The following DPP10 variants were observed in gnomAD, a reference collection of about 807,000 sequenced individuals.
DPP10 encodes dipeptidyl peptidase like 10.
A neutral mutation model predicts 120.9 loss-of-function variants in DPP10; 33 were observed. The ratio of observed to expected loss-of-function variants is 0.27; its 90% confidence interval spans 0.21 to 0.37. The LOEUF (loss-of-function observed/expected upper bound fraction) is 0.37, where lower values mean the gene tolerates loss of function less well. Ranked by LOEUF, DPP10 falls within the 10% of genes least tolerant of loss-of-function variation. The pLI is 1.00. For missense variants in DPP10, 816 were observed against 942.8 expected (o/e 0.87, Z 1.76); for synonymous variants, 337 against 326.1 (o/e 1.03, Z -0.36).
chr2:115,768,307 C>A lies in DPP10; in HGVS notation c.1124C>A (p.Pro375His). The change falls in exon 13 of 26, where the codon CCC becomes CAC. Residue 375 changes from proline (P) to histidine (H), a missense_variant. This residue lies in a region of DPP10 where 592 missense variants were observed against 649.0 expected (regional missense o/e 0.91). Transcript: ENST00000410059. ...TCTTCTGTATTTTAGAATGAGGAGCCCGTGTTTTCTAGAGACGGCAGCAAA... is the reference window on the plus strand; with the variant it reads ...TCTTCTGTATTTTAGAATGAGGAGCACGTGTTTTCTAGAGACGGCAGCAAA... ...DTWLSQQNEE[P>H]VFSRDGSKFF... 6.2e-7 allele frequency: 1 copy of A among 1,613,400 alleles called. No homozygotes were observed. The highest frequency in any genetic ancestry group is 2.2e-5 in the East Asian group (1 of 44,852).
rs548895169 is a variant in DPP10 at position 115,084,951 on chromosome 2, G to A, written c.61-224288G>A. Among the ~76,000 whole-genome samples, 15 of 152,274 alleles carry A rather than the reference G, an allele frequency of 9.9e-5. No individual in the cohort carries two copies. The East Asian group carries it at 2.9e-3, about 29-fold the overall frequency. On this transcript the variant is annotated intron_variant, in intron 1 of 25. Transcript: ENST00000410059. The stretch of plus-strand genomic sequence containing the variant: ...CTTCTTGGTTACAGAGTTGCAAGTT[G>A]GCTTGTTCAGAAAGAGCTGTTTTTG...
In DPP10 at chr2:114,685,254, G is replaced by A. The variant is rs187764522; in HGVS notation, c.60+242416G>A. Among the ~76,000 whole-genome samples, 481 of 151,768 alleles carry A rather than the reference G, an allele frequency of 3.2e-3. 3 individuals carry two copies. Among genetic ancestry groups the A allele is most frequent in the Non-Finnish European group, 5.9e-3 (402 of 67,868 alleles). On this transcript the variant is annotated intron_variant, in intron 1 of 25. Transcript: ENST00000410059. ...CTTGTGTGTTAATTTCCTCACTCCCGTAACTCATGAGAAAAACAACAACAA... is the reference window on the plus strand; with the variant it reads ...CTTGTGTGTTAATTTCCTCACTCCCATAACTCATGAGAAAAACAACAACAA...
intron 1 of DPP10, among the ~76,000 whole-genome samples, chr2:115,125,552 C>T (rs559299043): frequency 2.8e-5 from 4 of 143,384 alleles, no homozygotes; most frequent in Admixed American, 2.8e-4. Context: ...CACCTAAGTT[C>T]AATAGATCAT....
At chr2:115,105,340 G>A (rs148435315) in intron 1 of DPP10, among the ~76,000 whole-genome samples, 4 of 152,156 alleles carry the variant, frequency 2.6e-5, no homozygotes, top group Non-Finnish European at 5.9e-5. Context: ...AAGAAGCATG[G>A]TGCTAGCATC....
intron 1 of DPP10, among the ~76,000 whole-genome samples, chr2:114,482,315 A>T (rs759994899): frequency 8.5e-5 from 13 of 152,306 alleles, no homozygotes; most frequent in Middle Eastern, 3.4e-3. Context: ...CTTTTATTAT[A>T]TGGAATTGAT....
At chr2:115,370,703 G>A (rs183239581) in intron 3 of DPP10, among the ~76,000 whole-genome samples, 158 of 152,172 alleles carry the variant, frequency 1.0e-3, no homozygotes, top group African/African-American at 3.6e-3. Context: ...GGAACATTAT[G>A]TACAGAAAAT....
rs888596811 is a variant in DPP10, at chr2:115,687,272, C to T, written c.442-2415C>T. The stretch of plus-strand genomic sequence containing the variant: ...TCTTCCAACCTTGTTCAAGATTTTG[C>T]CCTCCCCCATATTCTTTATTCTGTT... On this transcript the variant is annotated intron_variant, in intron 5 of 25. Coordinates refer to ENST00000410059, the MANE Select transcript of DPP10 (RefSeq NM_020868.6). Among the ~76,000 whole-genome samples the T allele has an allele frequency of 2.6e-5, 4 of 152,050 alleles. No homozygotes were observed. The East Asian group carries it at 5.8e-4, about 22-fold the overall frequency.
chr2:115,033,893 C>CTTTTTTTTTTTTTTTTTTTTTT (rs965717193), intron 1 of DPP10, among the ~76,000 whole-genome samples: 33 of 89,852 alleles, frequency 3.7e-4, no homozygotes, highest in Non-Finnish European at 5.0e-4. Context: ...TTTTCTTTTT[C>CTTTTTTTTTTTTTTTTTTTTTT]TTTTTTTTTT....
chr2:115,567,470 T>G (rs2081072209), intron 5 of DPP10, among the ~76,000 whole-genome samples: 1 of 152,146 alleles, frequency 6.6e-6, no homozygotes. Context: ...CTTTTGCACT[T>G]TGCATTTTTC....
At chr2:114,691,023 T>C (rs1425453576) in intron 1 of DPP10, among the ~76,000 whole-genome samples, 1 of 152,054 alleles carries the variant, frequency 6.6e-6, no homozygotes, top group Non-Finnish European at 1.5e-5. Flanking sequence ...ATAAAGATAA[T>C]CTGACTTCCT....
rs17048426 is a variant in DPP10 at position 114,487,303 on chromosome 2, G to A, written c.60+44465G>A. ...ATAATAAGTTTGGAAGAAAAAGGAA[G>A]TATCAGGGCCCACAAATAGACATTT... On this transcript the variant is annotated intron_variant, in intron 1 of 25. Transcript: ENST00000410059. Among the ~76,000 whole-genome samples, 897 of 152,266 alleles carry A rather than the reference G, an allele frequency of 5.9e-3. 6 individuals are homozygous for A. Among genetic ancestry groups the A allele is most frequent in the African/African-American group, 0.021 (854 of 41,552 alleles).
At position 115,009,882 on chromosome 2, in the gene DPP10, T is replaced by A. The variant is rs891176972; in HGVS notation, c.61-299357T>A. Among the ~76,000 whole-genome samples, 6 of 152,298 alleles carry A rather than the reference T, an allele frequency of 3.9e-5. 1 individual carries two copies. The highest frequency in any genetic ancestry group is 1.3e-4 in the Admixed American group (2 of 15,288). ...CATTCACTACTCATTAATACAAATT[T>A]TTTTAAAGAAAATAAAATAGATATT... is the stretch of plus-strand genomic sequence containing the variant. On this transcript the variant is annotated intron_variant, in intron 1 of 25. Coordinates refer to ENST00000410059, the MANE Select transcript of DPP10 (RefSeq NM_020868.6).
intron 1 of DPP10, among the ~76,000 whole-genome samples, chr2:115,149,374 A>G (rs2051407097): frequency 6.6e-6 from 1 of 152,216 alleles, no homozygotes; most frequent in South Asian, 2.1e-4. Context: ...CCAGGGGCAT[A>G]ACTCCAAAAA....
At chr2:114,639,609 G>T (rs572937226) in intron 1 of DPP10, among the ~76,000 whole-genome samples, 1 of 151,760 alleles carries the variant, frequency 6.6e-6, no homozygotes, top group South Asian at 2.1e-4. Context: ...TGCAATATAC[G>T]CATTTAACAA....
At chr2:114,630,188 T>A (rs1338049764) in intron 1 of DPP10, among the ~76,000 whole-genome samples, 1 of 152,196 alleles carries the variant, frequency 6.6e-6, no homozygotes. Context: ...AAGAACACAT[T>A]ATTAAATTTC....
At chr2:115,501,841 G>C (rs901942722) in intron 4 of DPP10, among the ~76,000 whole-genome samples, 22 of 151,948 alleles carry the variant, frequency 1.4e-4, no homozygotes, top group African/African-American at 5.1e-4. Flanking sequence ...GGCTAAAACC[G>C]GGATTTAATT....
intron 1 of DPP10, among the ~76,000 whole-genome samples, chr2:115,154,741 T>C (rs984243724): frequency 3.3e-5 from 5 of 151,734 alleles, no homozygotes; most frequent in Non-Finnish European, 7.4e-5. Context: ...CACCACCCCC[T>C]GAGCACACAC....
At chr2:114,808,511 T>TG (rs1684922601) in intron 1 of DPP10, among the ~76,000 whole-genome samples, 1 of 151,924 alleles carries the variant, frequency 6.6e-6, no homozygotes, top group African/African-American at 2.4e-5. Flanking sequence ...GGAACACTCT[T>TG]GCCAACACAA....
intron 3 of DPP10, among the ~76,000 whole-genome samples, chr2:115,416,693 CAATT>C (rs1431491095): frequency 2.0e-5 from 3 of 152,106 alleles, no homozygotes; most frequent in East Asian, 1.9e-4. Flanking sequence ...AATTAAATCA[CAATT>C]TATTTGTGCA....
Sources: allele counts gnomAD v4.1 joint callset (sites outside exome capture counted in the v4.1 genomes callset), GRCh38; gene constraint gnomAD v4.1.1; regional missense constraint gnomAD v4.1.1; transcripts MANE v1.5; gene names NCBI Gene and HGNC (gene_info 2026-07-23, HGNC 2026-07-21).